The following RAB18 variants were observed in gnomAD, a reference collection of about 807,000 sequenced individuals.
RAB18 encodes the protein ras-related protein Rab-18.
In RAB18, 10 loss-of-function variants were observed where a neutral mutation model predicts 28.5. The ratio of observed to expected loss-of-function variants is 0.35; its 90% CI spans 0.22 to 0.60. The LOEUF (loss-of-function observed/expected upper bound fraction) is 0.60, where lower values mean the gene tolerates loss of function less well. Ranked by LOEUF, RAB18 falls within the 20% of genes least tolerant of loss-of-function variation. RAB18 has a pLI of 0.78. For synonymous variants in RAB18, 93 were observed against 86.9 expected, an observed-to-expected ratio of 1.07 and a Z score of -0.39; for missense variants, 188 against 244.2, an observed-to-expected ratio of 0.77 and a Z score of 1.53.
Position 27,504,313 on chromosome 10 carries a change from A to T in RAB18, c.-57A>T, listed in dbSNP as rs1476927744. The T allele has an allele frequency of 4.6e-6, 7 of 1,518,508 alleles. No homozygotes were observed. Among genetic ancestry groups the T allele is most frequent in the Non-Finnish European group, 5.4e-6 (6 of 1,120,402 alleles). 94.1% of individuals were successfully genotyped at this position (1,518,508 alleles called of 1,614,324 possible). On this transcript the variant is annotated 5_prime_UTR_variant, in exon 1 of 7. Transcript: ENST00000356940. ...GCATGCGCAGCAGCTCACTCTGCTG[A>T]AGGGCTGAGAGGCGCACCCGGGCGG...
Position 27,540,732 on chromosome 10 carries a change from T to C in RAB18, c.*2681T>C. On this transcript the variant is annotated 3_prime_UTR_variant, in exon 7 of 7. Coordinates refer to ENST00000356940, the MANE Select transcript of RAB18 (RefSeq NM_021252.5). ...AACAGTAATTTGCTCAAAACTGAAA[T>C]CTGGGGTGATGTTTTCATTTCATGT... The C allele has an allele frequency of 2.2e-6, 1 of 454,060 alleles. No individual in the cohort carries two copies. Among genetic ancestry groups the C allele is most frequent in the Non-Finnish European group, 4.4e-6 (1 of 226,740 alleles). 28.1% of individuals were successfully genotyped at this position (454,060 alleles called of 1,614,324 possible). A position where few individuals can be genotyped will look rare whatever the true frequency, so the allele number is the denominator to read the frequency against.
chr10:27,505,039 G>A (rs1837784063), intron 1 of RAB18: 1 of 533,534 alleles, frequency 1.9e-6, no homozygotes, highest in Non-Finnish European at 3.8e-6. Flanking sequence ...TGTAAGGTCC[G>A]AGTGCTTCAG....
intron 2 of RAB18, among the ~76,000 whole-genome samples, chr10:27,526,526 C>T (rs752757843): frequency 6.6e-6 from 1 of 152,172 alleles, no homozygotes; most frequent in African/African-American, 2.4e-5. Context: ...AATTGCAGCT[C>T]TTGACTTTTA....
At chr10:27,535,700 C>T (rs1022838465) in intron 6 of RAB18, among the ~76,000 whole-genome samples, 2 of 151,978 alleles carry the variant, frequency 1.3e-5, no homozygotes, top group East Asian at 1.9e-4. Context: ...ACTGTGTAGC[C>T]GTAGAGGGTG....
intron 1 of RAB18, among the ~76,000 whole-genome samples, chr10:27,507,584 TA>T (rs1837873927): frequency 6.6e-6 from 1 of 151,682 alleles, no homozygotes; most frequent in Admixed American, 6.6e-5. Context: ...TATGTAAATT[TA>T]AAAAATGCAG....
At chr10:27,533,587 C>A in intron 4 of RAB18, 148 bp from the exon 5 acceptor site, 1 of 852,704 alleles carries the variant, frequency 1.2e-6, no homozygotes, top group Non-Finnish European at 1.8e-6. Flanking sequence ...CCATTTGGAT[C>A]AGTAGACACT....
intron 6 of RAB18, among the ~76,000 whole-genome samples, chr10:27,534,582 C>A (rs1280021114): frequency 1.3e-5 from 2 of 152,176 alleles, no homozygotes; most frequent in Non-Finnish European, 2.9e-5. Flanking sequence ...ATACGGCCCA[C>A]GAAGCCTAAA....
intron 2 of RAB18, among the ~76,000 whole-genome samples, chr10:27,525,607 G>A (rs1248489714): frequency 6.6e-6 from 1 of 152,104 alleles, no homozygotes; most frequent in Non-Finnish European, 1.5e-5. Flanking sequence ...TTAGGTTTTT[G>A]TTGGGCTATG....
chr10:27,536,754 G>A (rs1049243358), intron 6 of RAB18, among the ~76,000 whole-genome samples: 1 of 152,192 alleles, frequency 6.6e-6, no homozygotes, highest in Non-Finnish European at 1.5e-5. Context: ...TACCAAAGAT[G>A]TCAAATAAAA....
rs773641215 is a variant in RAB18 at position 27,539,032 on chromosome 10, C to T, written c.*981C>T. 1 of 427,066 alleles carries T rather than the reference C, an allele frequency of 2.3e-6. No homozygotes were observed. The highest frequency in any genetic ancestry group is 4.7e-6 in the Non-Finnish European group (1 of 212,450). The allele number at this position is 427,066 out of a possible 1,614,324, so 26.5% of individuals were successfully genotyped here. On this transcript the variant is annotated 3_prime_UTR_variant, in exon 7 of 7. Transcript: ENST00000356940. ...ACACTAAGTGATAATTTGAAAAAGG[C>T]ATATTGCTTCCAGATTCTGATGTGT...
Position 27,538,600 on chromosome 10 carries a change from C to T in RAB18, c.*549C>T. 2.2e-6 allele frequency: 1 copy of T among 454,392 alleles called. No homozygotes were observed. Among genetic ancestry groups the T allele is most frequent in the Non-Finnish European group, 4.4e-6 (1 of 226,754 alleles). 28.1% of individuals were successfully genotyped at this position (454,392 alleles called of 1,614,324 possible). On this transcript the variant is annotated 3_prime_UTR_variant, in exon 7 of 7. Transcript: ENST00000356940. ...AGCCCAGGCCAATTTATAACTAAAT[C>T]TCTATTTGTTCGGATGATGCTTCTA...
At chr10:27,525,169 G>C (rs1564833660) in intron 2 of RAB18, among the ~76,000 whole-genome samples, 1 of 152,160 alleles carries the variant, frequency 6.6e-6, no homozygotes, top group Non-Finnish European at 1.5e-5. Context: ...ATACATTCTG[G>C]AAGCGGTGGG....
At chr10:27,506,929 CT>C (rs1437748820) in intron 1 of RAB18, among the ~76,000 whole-genome samples, 1 of 151,828 alleles carries the variant, frequency 6.6e-6, no homozygotes, top group Non-Finnish European at 1.5e-5. Flanking sequence ...CACTTTATTT[CT>C]TTTGTGAAAG....
intron 2 of RAB18, 125 bp downstream of exon 2, chr10:27,510,055 T>G (rs1834295856): frequency 3.9e-6 from 3 of 766,644 alleles, no homozygotes; most frequent in Non-Finnish European, 6.8e-6. Context: ...AAATCTTATT[T>G]GTCCTTCAAG....
Position 27,533,753 on chromosome 10 carries a change from G to C in RAB18, c.278G>C (p.Arg93Thr). 1 of 1,613,424 alleles carries C rather than the reference G, an allele frequency of 6.2e-7. No individual in the cohort carries two copies. Among genetic ancestry groups the C allele is most frequent in the Non-Finnish European group, 8.5e-7 (1 of 1,179,658 alleles). ...GVILVYDVTRRDTFVKLDNWL... is the reference protein window; with the variant it reads ...GVILVYDVTRTDTFVKLDNWL... ...ATTTCAGTTTATGATGTCACAAGAA[G>C]AGATACATTTGTTAAACTGGATAAT... The change falls in exon 5 of 7, where the codon AGA becomes ACA. Residue 93 changes from arginine to threonine, a missense_variant. Arg to Thr is a moderately conservative substitution (Grantham distance 71). Transcript: ENST00000356940.
At chr10:27,521,299 C>G (rs1443733280) in intron 2 of RAB18, among the ~76,000 whole-genome samples, 1 of 152,006 alleles carries the variant, frequency 6.6e-6, no homozygotes, top group Non-Finnish European at 1.5e-5. Context: ...GCCTTCAAAC[C>G]CTTTGTTTTC....
At chr10:27,515,732 C>CA (rs890526216) in intron 2 of RAB18, among the ~76,000 whole-genome samples, 42 of 141,718 alleles carry the variant, frequency 3.0e-4, no homozygotes, top group African/African-American at 5.0e-4. Flanking sequence ...AGACCTGTCT[C>CA]AAAAAAAAAA....
chr10:27,523,817 C>T (rs7899596), intron 2 of RAB18, among the ~76,000 whole-genome samples: 26,731 of 151,850 alleles, frequency 0.18, 2,521 homozygotes, highest in East Asian at 0.32. Context: ...CGGTGGCTCA[C>T]GCCTATAATC....
Position 27,539,917 on chromosome 10 carries a change from T to A in RAB18, c.*1866T>A. 1 of 453,178 alleles carries A rather than the reference T, an allele frequency of 2.2e-6. No individual in the cohort carries two copies. Among genetic ancestry groups the A allele is most frequent in the South Asian group, 1.6e-5 (1 of 64,160 alleles). 28.1% of individuals were successfully genotyped at this position (453,178 alleles called of 1,614,324 possible). A position where few individuals can be genotyped will look rare whatever the true frequency, so the allele number is the denominator to read the frequency against. The stretch of plus-strand genomic sequence containing the variant: ...TATTGTGTTACTCAAATTATGTGGC[T>A]TTCATTTTGTTGTTTTGTTGCAAGC... On this transcript the variant is annotated 3_prime_UTR_variant, in exon 7 of 7. Coordinates refer to ENST00000356940, the MANE Select transcript of RAB18 (RefSeq NM_021252.5).
Sources: gnomAD v4.1 joint callset for allele counts (sites outside exome capture counted in the v4.1 genomes callset) on GRCh38, gnomAD v4.1.1 for gene constraint, MANE v1.5 for transcripts, NCBI Gene and HGNC (gene_info 2026-07-23, HGNC 2026-07-21) for gene names.